Variants in CYP26B1 observed in about 807,000 individuals in gnomAD.
The protein encoded by CYP26B1 is cytochrome P450 26B1.
A neutral mutation model predicts 39.1 loss-of-function variants in CYP26B1; 8 were observed. The ratio of observed to expected loss-of-function variants is 0.20; its 90% CI spans 0.12 to 0.37. The LOEUF is 0.37. Ranked by LOEUF, CYP26B1 falls within the 10% of genes least tolerant of loss-of-function variation. The probability of loss-of-function intolerance (pLI) is 1.00; values close to 1 mark genes in which losing one functional copy is unlikely to be tolerated. For synonymous variants in CYP26B1, 321 were observed against 314.3 expected, an observed-to-expected ratio of 1.02 and a Z score of -0.23; for missense variants, 615 against 707.0, an observed-to-expected ratio of 0.87 and a Z score of 1.48.
chr2:72,146,291 C>G (rs971125205), intron 1 of CYP26B1, among the ~76,000 whole-genome samples: 1 of 144,758 alleles, frequency 6.9e-6, no homozygotes, highest in African/African-American at 2.6e-5. Flanking sequence ...GGCCCAAAGC[C>G]TAGAGCACCG....
intron 2 of CYP26B1, among the ~76,000 whole-genome samples, chr2:72,139,751 G>A (rs966353926): frequency 3.3e-5 from 5 of 152,242 alleles, no homozygotes; most frequent in Admixed American, 3.3e-4. Flanking sequence ...AGCTGTGGAT[G>A]GGTAGGGGCC....
At position 72,145,576 on chromosome 2, in the gene CYP26B1, C is replaced by G. The variant is rs565627517; in HGVS notation, c.205-1363G>C. ...GGTGAGGCGAGGGTTTCCCTCCCTC[C>G]GTCTGCTATACCCGTCTCCCTCGCT... On this transcript the variant is annotated intron_variant, in intron 1 of 5. Transcript: ENST00000001146. Among the ~76,000 whole-genome samples, 8 of 152,310 alleles carry G rather than the reference C, an allele frequency of 5.3e-5. No individual in the cohort carries two copies. The East Asian group carries it at 9.7e-4, about 18-fold the overall frequency.
At chr2:72,135,551 T>G in intron 2 of CYP26B1, 132 bp from the exon 3 acceptor site, 1 of 1,345,616 alleles carries the variant, frequency 7.4e-7, no homozygotes, top group Non-Finnish European at 1.0e-6. Context: ...CCTTGGGAGC[T>G]GGGCAGGCCA....
At chr2:72,142,957 G>C (rs773180760) in intron 2 of CYP26B1, 1 of 167,132 alleles carries the variant, frequency 6.0e-6, no homozygotes, top group African/African-American at 2.4e-5. Flanking sequence ...GCTGTTCAGA[G>C]AACGTCAAGT....
Position 72,132,334 on chromosome 2 carries a change from G to T in CYP26B1, c.1432C>A (p.Pro478Thr), listed in dbSNP as rs200414575. ...TRTFPRITLV[P>T]VLHPVDGLSV... The stretch of plus-strand genomic sequence containing the variant: ...AGGCCATCCACGGGGTGCAGGACGG[G>T]GACCAAGGTGATGCGGGGGAAGGTC... The change falls in exon 6 of 6, where the codon CCC becomes ACC. Residue 478 changes from proline to threonine, a missense_variant. Transcript: ENST00000001146. The T allele has an allele frequency of 1.9e-6, 3 of 1,610,370 alleles. No homozygotes were observed. The highest frequency in any genetic ancestry group is 2.2e-5 in the East Asian group (1 of 44,726).
In CYP26B1 at chr2:72,135,344, G is replaced by A. The variant is rs1676736882; in HGVS notation, c.505C>T (p.Leu169=). 1.9e-6 allele frequency: 3 copies of A among 1,613,858 alleles called. No individual in the cohort carries two copies. The African/African-American group carries it at 4.0e-5, about 22-fold the overall frequency. The change falls in exon 3 of 6, where the codon CTG becomes TTG. Residue 169 remains leucine (L), a synonymous_variant. Transcript: ENST00000001146. ...PKIQLVIQDT[L]RAWSSHPEAI... ...TCGGGGTGGCTGCTCCAGGCGCGCAGTGTGTCCTGGATCACCAGCTGGATC... is the reference window on the plus strand; with the variant it reads ...TCGGGGTGGCTGCTCCAGGCGCGCAATGTGTCCTGGATCACCAGCTGGATC...
Position 72,132,659 on chromosome 2 carries a change from C to T in CYP26B1, c.1147-40G>A, listed in dbSNP as rs1046737807. ...GGGCCGAGGAGTGGGTGGTGAGAGC[C>T]AGAGGAGCCCACAGAGGGCCCAGGA... On this transcript the variant is annotated intron_variant, in intron 5 of 5. Transcript: ENST00000001146. 1.9e-6 allele frequency: 3 copies of T among 1,562,864 alleles called. No homozygotes were observed. The African/African-American group carries it at 4.1e-5, about 21-fold the overall frequency.
Position 72,144,187 on chromosome 2 carries a change from C to T in CYP26B1, c.231G>A (p.Arg77=), listed in dbSNP as rs751749042. The T allele has an allele frequency of 1.0e-5, 16 of 1,598,572 alleles. No homozygotes were observed. In the South Asian group the frequency reaches 1.2e-4, roughly 12 times the overall value. The part of the protein sequence containing the change: ...LQGSGFQSSR[R]EKYGNVFKTH... ...TCTTGAACACGTTGCCATACTTCTC[C>T]CTCCGCGACGACTGGAAGCCAGAAC... Residue 77 remains arginine (R), a synonymous_variant, in exon 2 of 6, where the codon AGG becomes AGA. Transcript: ENST00000001146.
At chr2:72,146,711 C>T (rs945647604) in intron 1 of CYP26B1, among the ~76,000 whole-genome samples, 1 of 152,218 alleles carries the variant, frequency 6.6e-6, no homozygotes, top group African/African-American at 2.4e-5. Flanking sequence ...ACAAATACAC[C>T]TCCCGCAGTT....
chr2:72,132,946 A>T, intron 5 of CYP26B1, 77 bp downstream of exon 5: 1 of 1,600,552 alleles, frequency 6.2e-7, no homozygotes, highest in Non-Finnish European at 8.5e-7. Flanking sequence ...CCTGAAATGG[A>T]GGCTGGTGCC....
chr2:72,134,501 A>C (rs941566777), intron 4 of CYP26B1, among the ~76,000 whole-genome samples: 1 of 152,160 alleles, frequency 6.6e-6, no homozygotes, highest in South Asian at 2.1e-4. Flanking sequence ...GGGACTAGGA[A>C]ATGAACTGAG....
chr2:72,130,854 G>A lies in CYP26B1; in HGVS notation c.*1373C>T, dbSNP rs1676548645. 6.6e-6 allele frequency: 1 copy of A among 152,174 alleles called. No homozygotes were observed. The highest frequency in any genetic ancestry group is 6.5e-5 in the Admixed American group (1 of 15,280). 9.4% of individuals were successfully genotyped at this position (152,174 alleles called of 1,614,324 possible). On this transcript the variant is annotated 3_prime_UTR_variant, in exon 6 of 6. Transcript: ENST00000001146. Reference sequence around the variant, plus strand: ...GGCAGCCTTCCCGCAGCTGTCCGGAGACCACACAGGGCCCTGCAATCAGCT... The same window carrying A: ...GGCAGCCTTCCCGCAGCTGTCCGGAAACCACACAGGGCCCTGCAATCAGCT...
In CYP26B1 at chr2:72,129,438, C is replaced by T. The variant is rs749229900; in HGVS notation, c.*2789G>A. ...CACAAGTGCTTTTTCAATATTAAAA[C>T]GACTGTGATAAAAACATATTAATAT... is the stretch of plus-strand genomic sequence containing the variant. On this transcript the variant is annotated 3_prime_UTR_variant, in exon 6 of 6. Transcript: ENST00000001146. 4 of 152,494 alleles carry T rather than the reference C, an allele frequency of 2.6e-5. No individual in the cohort carries two copies. The highest frequency in any genetic ancestry group is 4.4e-5 in the Non-Finnish European group (3 of 68,018). 9.4% of individuals were successfully genotyped at this position (152,494 alleles called of 1,614,324 possible).
At chr2:72,134,555 G>A (rs1416344056) in intron 4 of CYP26B1, among the ~76,000 whole-genome samples, 1 of 152,202 alleles carries the variant, frequency 6.6e-6, no homozygotes, top group South Asian at 2.1e-4. Context: ...GGGGAGAGAA[G>A]GGAGGGTGCC....
At chr2:72,144,643 T>A in intron 1 of CYP26B1, 1 of 260,576 alleles carries the variant, frequency 3.8e-6, no homozygotes, top group Non-Finnish European at 6.0e-6. Context: ...AGATTATTTA[T>A]AGCGGTAAGC....
chr2:72,135,741 A>G (rs1676754109), intron 2 of CYP26B1, among the ~76,000 whole-genome samples: 1 of 152,186 alleles, frequency 6.6e-6, no homozygotes, highest in African/African-American at 2.4e-5. Context: ...AAGTAGGGGA[A>G]GGCCATCGAG....
At chr2:72,140,389 A>G (rs550856738) in intron 2 of CYP26B1, among the ~76,000 whole-genome samples, 44 of 152,298 alleles carry the variant, frequency 2.9e-4, no homozygotes, top group African/African-American at 9.9e-4. Flanking sequence ...CGCTGGTGCT[A>G]CAGTAACTTT....
chr2:72,145,189 C>A (rs558756953), intron 1 of CYP26B1, among the ~76,000 whole-genome samples: 2 of 152,228 alleles, frequency 1.3e-5, no homozygotes, highest in African/African-American at 4.8e-5. Flanking sequence ...CAGATCTACC[C>A]GCTCCTGCAC....
rs375354034 is a variant in CYP26B1 at position 72,143,655 on chromosome 2, G to A, written c.429+334C>T. ...TGGGAAACGTGGCGAAAAGGCGAACGCCGGCCAACTGTCCCGCCCCCTTCT... is the reference window on the plus strand; with the variant it reads ...TGGGAAACGTGGCGAAAAGGCGAACACCGGCCAACTGTCCCGCCCCCTTCT... On this transcript the variant is annotated intron_variant, in intron 2 of 5. Transcript: ENST00000001146. Among the ~76,000 whole-genome samples the A allele has an allele frequency of 6.6e-5, 10 of 152,386 alleles. No individual in the cohort carries two copies. In the East Asian group the frequency reaches 1.2e-3, roughly 18 times the overall value.
Sources: allele counts gnomAD v4.1 joint callset (sites outside exome capture counted in the v4.1 genomes callset), GRCh38; gene constraint gnomAD v4.1.1; transcripts MANE v1.5; gene names NCBI Gene and HGNC (gene_info 2026-07-23, HGNC 2026-07-21).